LHFPL3: variants seen among roughly 807,000 people sequenced by gnomAD.
The protein encoded by LHFPL3 is LHFPL tetraspan subfamily member 3.
A neutral mutation model predicts 19.3 loss-of-function variants in LHFPL3; 5 were observed. The ratio of observed to expected loss-of-function variants is 0.26; its 90% CI spans 0.14 to 0.54. The LOEUF is 0.54. LHFPL3 is among the 20% of genes least tolerant of loss of function. The pLI is 0.94. For missense variants in LHFPL3, 249 were observed against 307.4 expected (o/e 0.81, Z 1.42); for synonymous variants, 133 against 126.2 (o/e 1.05, Z -0.36).
intron 1 of LHFPL3, among the ~76,000 whole-genome samples, chr7:104,564,934 T>G (rs531923182): frequency 3.9e-5 from 6 of 152,324 alleles, no homozygotes; most frequent in Non-Finnish European, 7.4e-5. Context: ...GAATGTGAAT[T>G]ACTCATGCTC....
intron 1 of LHFPL3, among the ~76,000 whole-genome samples, chr7:104,563,892 A>G (rs1790068459): frequency 1.3e-5 from 2 of 152,254 alleles, no homozygotes; most frequent in East Asian, 3.8e-4. Flanking sequence ...AAACAGAAAT[A>G]TTAAATTTGC....
chr7:104,770,416 A>C (rs59941636), intron 2 of LHFPL3, among the ~76,000 whole-genome samples: 14,324 of 152,238 alleles, frequency 0.094, 644 homozygotes, highest in Middle Eastern at 0.11. Flanking sequence ...TGGTCTCAAT[A>C]AAGAGAAGGT....
chr7:104,418,459 G>T (rs1212243445), intron 1 of LHFPL3, among the ~76,000 whole-genome samples: 1 of 152,132 alleles, frequency 6.6e-6, no homozygotes. Context: ...TTGAGCCCAG[G>T]AGTTTGAGGC....
chr7:104,551,984 T>C (rs1049481337), intron 1 of LHFPL3, among the ~76,000 whole-genome samples: 1 of 152,196 alleles, frequency 6.6e-6, no homozygotes, highest in African/African-American at 2.4e-5. Context: ...CCAGCCTGCT[T>C]CTGTGGAGGA....
intron 1 of LHFPL3, among the ~76,000 whole-genome samples, chr7:104,702,203 A>G (rs1447866046): frequency 6.6e-6 from 1 of 152,040 alleles, no homozygotes; most frequent in Non-Finnish European, 1.5e-5. Context: ...AGGGACATGA[A>G]CTCATTGTTC....
intron 1 of LHFPL3, among the ~76,000 whole-genome samples, chr7:104,651,133 GA>G (rs1203811508): frequency 2.0e-5 from 3 of 152,154 alleles, no homozygotes; most frequent in Non-Finnish European, 4.4e-5. Flanking sequence ...ACCACTGAGG[GA>G]AGTTTATCAG....
intron 1 of LHFPL3, among the ~76,000 whole-genome samples, chr7:104,463,397 C>T (rs971484410): frequency 6.6e-6 from 1 of 152,218 alleles, no homozygotes; most frequent in African/African-American, 2.4e-5. Flanking sequence ...CCCCTTAACA[C>T]TGCCTTAGCT....
intron 2 of LHFPL3, among the ~76,000 whole-genome samples, chr7:104,876,814 G>A (rs913062808): frequency 1.3e-5 from 2 of 152,182 alleles, no homozygotes; most frequent in African/African-American, 2.4e-5. Context: ...CTGCTATAAG[G>A]ACACATGCAC....
chr7:104,511,921 T>C (rs940432085), intron 1 of LHFPL3, among the ~76,000 whole-genome samples: 1 of 151,326 alleles, frequency 6.6e-6, no homozygotes, highest in African/African-American at 2.4e-5. Context: ...AACGTTCTAA[T>C]AGTGATATTT....
Position 104,907,239 on chromosome 7 carries a change from T to C in LHFPL3, c.*1024T>C, listed in dbSNP as rs1213858254. ...CCTTACTGATGGGCACTCATTTTTATTTTTTTAAAAATCATTCCATTAAAC... is the reference window on the plus strand; with the variant it reads ...CCTTACTGATGGGCACTCATTTTTACTTTTTTAAAAATCATTCCATTAAAC... On this transcript the variant is annotated 3_prime_UTR_variant, in exon 3 of 3. Coordinates refer to ENST00000424859, the MANE Select transcript of LHFPL3 (RefSeq NM_199000.3). The C allele has an allele frequency of 1.6e-4, 24 of 152,574 alleles. No homozygotes were observed. The highest frequency in any genetic ancestry group is 1.5e-3 in the Admixed American group (23 of 15,268). The allele number at this position is 152,574 out of a possible 1,614,324, so 9.5% of individuals were successfully genotyped here.
chr7:104,390,768 C>T lies in LHFPL3; in HGVS notation c.445+61544C>T, dbSNP rs1274483466. 7.9e-5 allele frequency among the ~76,000 whole-genome samples: 12 copies of T among 152,188 alleles called. 1 individual carries two copies. Among genetic ancestry groups the T allele is most frequent in the Non-Finnish European group, 1.8e-4 (12 of 68,042 alleles). ...CTTGAGGAATCTCCACACTGTCTTC[C>T]ACAATGGCTGAAGTAGTTTACAGCC... On this transcript the variant is annotated intron_variant, in intron 1 of 2. Transcript: ENST00000424859.
chr7:104,567,713 C>T (rs575340523), intron 1 of LHFPL3, among the ~76,000 whole-genome samples: 9 of 152,248 alleles, frequency 5.9e-5, no homozygotes, highest in East Asian at 3.9e-4. Flanking sequence ...TCTTTCCTTT[C>T]GGCTTGCTCA....
At chr7:104,787,838 C>T (rs1789949645) in intron 2 of LHFPL3, among the ~76,000 whole-genome samples, 1 of 152,162 alleles carries the variant, frequency 6.6e-6, no homozygotes, top group Non-Finnish European at 1.5e-5. Context: ...TGCTTGGTGT[C>T]TCCTTTATAA....
chr7:104,511,002 C>T (rs1008545099), intron 1 of LHFPL3, among the ~76,000 whole-genome samples: 13 of 151,952 alleles, frequency 8.6e-5, no homozygotes, highest in African/African-American at 3.1e-4. Flanking sequence ...ACCCCCATGA[C>T]ACAAGTTTAT....
intron 1 of LHFPL3, among the ~76,000 whole-genome samples, chr7:104,655,734 C>T (rs1272960279): frequency 6.6e-6 from 1 of 152,204 alleles, no homozygotes; most frequent in Non-Finnish European, 1.5e-5. Flanking sequence ...TCTCCTACCT[C>T]TTATCTTCCT....
At chr7:104,395,903 G>A (rs371605113) in intron 1 of LHFPL3, among the ~76,000 whole-genome samples, 1 of 152,126 alleles carries the variant, frequency 6.6e-6, no homozygotes, top group East Asian at 1.9e-4. Context: ...GCACTTATTA[G>A]TAAAGACTAT....
chr7:104,590,060 C>A (rs1450311463), intron 1 of LHFPL3, among the ~76,000 whole-genome samples: 1 of 152,074 alleles, frequency 6.6e-6, no homozygotes. Flanking sequence ...TTCAAAAAAC[C>A]ACCTCCTGGA....
At chr7:104,403,279 G>A (rs1791351332) in intron 1 of LHFPL3, among the ~76,000 whole-genome samples, 1 of 152,216 alleles carries the variant, frequency 6.6e-6, no homozygotes, top group Admixed American at 6.5e-5. Context: ...ACGGGCAAGG[G>A]TTGACCGTTG....
chr7:104,811,168 TTCTTTTCTTTTC>T (rs1790461552), intron 2 of LHFPL3, among the ~76,000 whole-genome samples: 2 of 5,610 alleles, frequency 3.6e-4, no homozygotes, highest in African/African-American at 4.8e-4. Context: ...CTTTCTTTCT[TTCTTTTCTTTTC>T]TTTTCTTTTC....
Sources: gnomAD v4.1 joint callset for allele counts (sites outside exome capture counted in the v4.1 genomes callset) on GRCh38, gnomAD v4.1.1 for gene constraint, MANE v1.5 for transcripts, NCBI Gene and HGNC (gene_info 2026-07-23, HGNC 2026-07-21) for gene names.